MAP3K15: variants seen among roughly 807,000 people sequenced by gnomAD.
The protein encoded by MAP3K15 is MAPK/ERK kinase kinase 15.
A neutral mutation model predicts 99.5 loss-of-function variants in MAP3K15; 124 were observed. That is an observed-to-expected ratio of 1.25 (90% confidence interval 1.08 to 1.45). The LOEUF (loss-of-function observed/expected upper bound fraction) is 1.45, where lower values mean the gene tolerates loss of function less well. Among genes scored for constraint, MAP3K15 ranks in the 40% most tolerant of loss-of-function variants. The pLI, the probability that MAP3K15 is intolerant of heterozygous loss-of-function variation, is 0.00. For missense variants in MAP3K15, 1,242 were observed against 1,079.7 expected (o/e 1.15, Z -2.11); for synonymous variants, 494 against 439.6 (o/e 1.12, Z -1.55).
intron 26 of MAP3K15, 26 bp downstream of exon 26, chrX:19,362,712 G>A: frequency 1.1e-6 from 1 of 898,118 alleles, no homozygotes. Context: ...AGATGTTAAA[G>A]TCTGTCTCAT....
Position 19,371,024 on chromosome X carries a change from C to T in MAP3K15, c.3335G>A (p.Trp1112Ter). ...GATGATGTTGTCCATCGCGAACATC[C>T]AGTGGGGCCTAATTAAGTGGTTCCT... ...ILRNHLIRPH[W>*]MFAMDNIIRR... Residue 1112 changes from tryptophan (W) to a stop codon, truncating the protein, a stop_gained, in exon 24 of 29, where the codon TGG becomes TAG. Transcript: ENST00000338883. LOFTEE classifies it high-confidence loss of function. The T allele has an allele frequency of 8.6e-7, 1 of 1,161,677 alleles. No homozygotes were observed. Among genetic ancestry groups the T allele is most frequent in the Non-Finnish European group, 1.1e-6 (1 of 877,980 alleles).
intron 6 of MAP3K15, among the ~76,000 whole-genome samples, chrX:19,437,771 G>A (rs953799862): frequency 9.0e-5 from 10 of 111,582 alleles, no homozygotes; most frequent in African/African-American, 3.3e-4. Flanking sequence ...ACTGGATCTG[G>A]CACAAAGTAG....
intron 21 of MAP3K15, 86 bp from the exon 22 acceptor site, chrX:19,372,913 G>T: frequency 1.1e-6 from 1 of 945,559 alleles, no homozygotes. Flanking sequence ...CTGGAGAAGG[G>T]CTGAGAGGTA....
intron 28 of MAP3K15, 85 bp from the exon 29 acceptor site, chrX:19,360,918 T>A (rs936565582): frequency 1.2e-4 from 91 of 729,107 alleles, no homozygotes; most frequent in Non-Finnish European, 1.7e-4. Context: ...AAAAACCTAA[T>A]GAAAATAAAA....
At chrX:19,446,866 A>T (rs2064002006) in intron 6 of MAP3K15, among the ~76,000 whole-genome samples, 1 of 111,243 alleles carries the variant, frequency 9.0e-6, no homozygotes, top group Admixed American at 9.6e-5. Context: ...TTTTAAAAAA[A>T]TTATTTATTT....
At position 19,374,571 on chromosome X, in the gene MAP3K15, G is replaced by A. The variant is rs919927882; in HGVS notation, c.2679C>T (p.Pro893=). 7.4e-6 allele frequency: 9 copies of A among 1,209,509 alleles called. No individual in the cohort carries two copies. The highest frequency in any genetic ancestry group is 1.8e-5 in the African/African-American group (1 of 57,020). Residue 893 remains proline (P), a synonymous_variant, in exon 20 of 29, where the codon CCC becomes CCT. Coordinates refer to ENST00000338883, the MANE Select transcript of MAP3K15 (RefSeq NM_001001671.4). The part of the protein sequence containing the change: ...AFILSCFEPD[P]HKRATTAELL... ...GCTCAGCAGTGGTGGCACGTTTGTGGGGGTCAGGCTCGAAACAGGATAAAA... is the reference window on the plus strand; with the variant it reads ...GCTCAGCAGTGGTGGCACGTTTGTGAGGGTCAGGCTCGAAACAGGATAAAA...
intron 21 of MAP3K15, chrX:19,373,292 G>A (rs2063391464): frequency 2.7e-6 from 1 of 372,434 alleles, no homozygotes; most frequent in Admixed American, 4.7e-5. Context: ...GGAGAGAGAA[G>A]GGAAGAGGAG....
Position 19,478,689 on chromosome X carries a change from G to GA in MAP3K15, c.525+7792dup, listed in dbSNP as rs1461046875. Among the ~76,000 whole-genome samples the GA allele has an allele frequency of 8.0e-3, 820 of 102,140 alleles. 15 individuals carry two copies. The highest frequency in any genetic ancestry group is 0.027 in the African/African-American group (761 of 28,067). The allele number at this position is 102,140 out of a possible 115,157, so 88.7% of individuals were successfully genotyped here. On this transcript the variant is annotated intron_variant, in intron 3 of 28. Transcript: ENST00000338883. ...TCTCTTAAATCTCACTGGCTTTCCA[G>GA]AAAAAAAAAATCACCTAAACCAGAG...
At chrX:19,476,619 T>C (rs1356848765) in intron 3 of MAP3K15, among the ~76,000 whole-genome samples, 1 of 111,778 alleles carries the variant, frequency 8.9e-6, no homozygotes, top group African/African-American at 3.3e-5. Context: ...GCAACGCAAA[T>C]AGCATTCTAC....
chrX:19,481,959 T>G lies in MAP3K15; in HGVS notation c.525+4523A>C, dbSNP rs1252644233. The G allele has an allele frequency of 3.6e-5, 4 of 109,939 alleles. No individual in the cohort carries two copies. The Admixed American group carries it at 3.9e-4, about 11-fold the overall frequency. The allele number at this position is 109,939 out of a possible 1,213,427, so 9.1% of individuals were successfully genotyped here. On this transcript the variant is annotated intron_variant, in intron 3 of 28. Coordinates refer to ENST00000338883, the MANE Select transcript of MAP3K15 (RefSeq NM_001001671.4). ...TGGGAGGCTGAGGCAGGTGGATCAC[T>G]TGAGGTCAGGAGTTCGAGATCAGCC... is the stretch of plus-strand genomic sequence containing the variant.
intron 28 of MAP3K15, 159 bp downstream of exon 28, chrX:19,361,180 C>T (rs1432877041): frequency 2.2e-6 from 1 of 452,070 alleles, no homozygotes; most frequent in African/African-American, 2.4e-5. Context: ...TGACTTCTGC[C>T]TGGCTTTCAG....
intron 1 of MAP3K15, among the ~76,000 whole-genome samples, chrX:19,504,496 C>T (rs2064462454): frequency 9.0e-6 from 1 of 111,393 alleles, no homozygotes; most frequent in Admixed American, 9.6e-5. Flanking sequence ...AATAAAGAAT[C>T]CAGAGATACC....
chrX:19,479,408 T>C (rs1357432175), intron 3 of MAP3K15, among the ~76,000 whole-genome samples: 2 of 111,274 alleles, frequency 1.8e-5, no homozygotes, highest in Non-Finnish European at 3.8e-5. Context: ...GCCAAAGCTG[T>C]CATTGAGCCT....
intron 1 of MAP3K15, among the ~76,000 whole-genome samples, chrX:19,506,472 AG>A (rs759236300): frequency 3.6e-5 from 4 of 112,217 alleles, no homozygotes; most frequent in African/African-American, 1.3e-4. Context: ...ATCAGACTAG[AG>A]CAAAACCAAA....
At chrX:19,426,932 A>G (rs1336459445) in intron 7 of MAP3K15, among the ~76,000 whole-genome samples, 1 of 109,061 alleles carries the variant, frequency 9.2e-6, no homozygotes, top group Non-Finnish European at 1.9e-5. Context: ...CAGGGACTAT[A>G]TAAAATAGGG....
chrX:19,420,828 T>C (rs1006756182), intron 9 of MAP3K15, among the ~76,000 whole-genome samples: 3 of 111,788 alleles, frequency 2.7e-5, no homozygotes, highest in African/African-American at 9.8e-5. Flanking sequence ...CAAAAGCTTA[T>C]CCACCATGAT....
intron 1 of MAP3K15, among the ~76,000 whole-genome samples, chrX:19,513,215 CACAGTCG>C (rs763600169): frequency 1.1e-4 from 12 of 111,393 alleles, no homozygotes; most frequent in Non-Finnish European, 1.3e-4. Context: ...TCTGCATCTT[CACAGTCG>C]ACCTGTTAGA....
intron 18 of MAP3K15, among the ~76,000 whole-genome samples, chrX:19,386,535 G>T (rs1001505301): frequency 9.0e-6 from 1 of 111,040 alleles, no homozygotes; most frequent in African/African-American, 3.3e-5. Context: ...TCCAAGGTAT[G>T]CCCTACCACA....
intron 6 of MAP3K15, among the ~76,000 whole-genome samples, chrX:19,448,565 GT>G (rs202132359): frequency 0.031 from 3,377 of 108,528 alleles, 126 homozygotes; most frequent in African/African-American, 0.1. Flanking sequence ...GTCCCCCCCT[GT>G]CCCCGAAAAA....
Sources: allele counts gnomAD v4.1 joint callset (sites outside exome capture counted in the v4.1 genomes callset), GRCh38; gene constraint gnomAD v4.1.1; transcripts MANE v1.5; gene names NCBI Gene and HGNC (gene_info 2026-07-23, HGNC 2026-07-21).